The following ERC1 variants were observed in gnomAD, a reference collection of about 807,000 sequenced individuals.
ERC1 encodes the protein RAB6 interacting protein 2.
A neutral mutation model predicts 132.0 loss-of-function variants in ERC1; 56 were observed. The observed-to-expected ratio is 0.42, with a 90% CI of 0.34 to 0.53. The LOEUF is 0.53. Among genes scored for constraint, ERC1 ranks in the 20% least tolerant of loss-of-function variants. ERC1 has a pLI of 0.03. For missense variants in ERC1, 1,202 were observed against 1,349.9 expected (o/e 0.89, Z 1.72); for synonymous variants, 478 against 476.1 (o/e 1.00, Z -0.05).
chr12:1,142,827 T>C (rs951373576), intron 8 of ERC1, among the ~76,000 whole-genome samples: 5 of 152,242 alleles, frequency 3.3e-5, no homozygotes, highest in African/African-American at 4.8e-5. Context: ...TTTTTAAAAG[T>C]TGATTTGTAG....
At chr12:1,345,474 C>A (rs941823544) in intron 15 of ERC1, among the ~76,000 whole-genome samples, 1 of 152,146 alleles carries the variant, frequency 6.6e-6, no homozygotes, top group East Asian at 1.9e-4. Context: ...TGAGCCACCA[C>A]GCCTGGCCAG....
At chr12:1,447,246 A>G (rs933681425) in intron 18 of ERC1, among the ~76,000 whole-genome samples, 1 of 151,112 alleles carries the variant, frequency 6.6e-6, no homozygotes, top group East Asian at 2.0e-4. Flanking sequence ...TACTGGGCAC[A>G]GTGGCTCCCA....
At chr12:1,349,754 TAAAAG>T (rs1388364918) in intron 15 of ERC1, among the ~76,000 whole-genome samples, 1 of 151,938 alleles carries the variant, frequency 6.6e-6, no homozygotes, top group Non-Finnish European at 1.5e-5. Context: ...GTTGAGAACA[TAAAAG>T]GATAGCTTGA....
rs544186949 is a variant in ERC1 at position 1,100,190 on chromosome 12, A to G, written c.1087-4560A>G. Among the ~76,000 whole-genome samples the G allele has an allele frequency of 2.6e-5, 4 of 152,148 alleles. No homozygotes were observed. The South Asian group carries it at 6.2e-4, about 24-fold the overall frequency. On this transcript the variant is annotated intron_variant, in intron 3 of 18. Transcript: ENST00000360905. ...ACAGACTTCAACAGTTAAGGGAAGG[A>G]GAGAGCCTGTCAAAGGGAGCAGTGA... is the stretch of plus-strand genomic sequence containing the variant.
intron 16 of ERC1, among the ~76,000 whole-genome samples, chr12:1,372,616 T>C (rs1407925403): frequency 6.6e-6 from 1 of 152,210 alleles, no homozygotes; most frequent in African/African-American, 2.4e-5. Flanking sequence ...GAGAAAAACA[T>C]TTCCCTTGGA....
intron 15 of ERC1, among the ~76,000 whole-genome samples, chr12:1,306,961 C>T (rs1489335856): frequency 2.6e-5 from 4 of 152,116 alleles, no homozygotes; most frequent in Admixed American, 6.6e-5. Context: ...ATACTGTGGG[C>T]ACATGCCCTC....
At chr12:1,256,419 A>T (rs1388351529) in intron 13 of ERC1, among the ~76,000 whole-genome samples, 2 of 64,246 alleles carry the variant, frequency 3.1e-5, no homozygotes, top group African/African-American at 6.5e-5. Context: ...TTCTCAGACT[A>T]AAAAAAAAAA....
chr12:1,417,952 C>T (rs1405704164), intron 17 of ERC1, among the ~76,000 whole-genome samples: 1 of 152,080 alleles, frequency 6.6e-6, no homozygotes, highest in Non-Finnish European at 1.5e-5. Flanking sequence ...TTCATTGAAA[C>T]CAATATAACA....
intron 3 of ERC1, among the ~76,000 whole-genome samples, chr12:1,096,165 T>C (rs370947045): frequency 6.1e-4 from 93 of 152,266 alleles, no homozygotes; most frequent in African/African-American, 2.0e-3. Context: ...TGAGCTCAAG[T>C]GATCTGCCTG....
chr12:1,431,121 C>T (rs1592009974), intron 17 of ERC1, among the ~76,000 whole-genome samples: 1 of 152,112 alleles, frequency 6.6e-6, no homozygotes, highest in African/African-American at 2.4e-5. Context: ...ATAACCGCTC[C>T]GGGGAGAACC....
intron 2 of ERC1, among the ~76,000 whole-genome samples, chr12:1,052,969 TC>T (rs1356920774): frequency 6.7e-6 from 1 of 149,766 alleles, no homozygotes; most frequent in African/African-American, 2.5e-5. Context: ...AAACTATGTC[TC>T]GAAAAAAAAA....
intron 15 of ERC1, among the ~76,000 whole-genome samples, chr12:1,355,644 C>T (rs1307181159): frequency 6.6e-6 from 1 of 152,192 alleles, no homozygotes; most frequent in Non-Finnish European, 1.5e-5. Flanking sequence ...AAAGTTTGGC[C>T]TGTGGAGCAG....
At chr12:1,367,895 G>A (rs1236876677) in intron 15 of ERC1, among the ~76,000 whole-genome samples, 2 of 150,452 alleles carry the variant, frequency 1.3e-5, no homozygotes, top group Admixed American at 6.6e-5. Flanking sequence ...TGTGCATGTT[G>A]GTCATGTGGG....
At chr12:1,484,727 G>A (rs1322669219) in intron 18 of ERC1, among the ~76,000 whole-genome samples, 6 of 151,754 alleles carry the variant, frequency 4.0e-5, no homozygotes, top group African/African-American at 1.2e-4. Context: ...ACAGGTGCAC[G>A]CCACCATGCC....
At chr12:1,245,577 C>A (rs558163403) in intron 13 of ERC1, among the ~76,000 whole-genome samples, 1 of 152,224 alleles carries the variant, frequency 6.6e-6, no homozygotes, top group South Asian at 2.1e-4. Context: ...AAAAGTAATT[C>A]CTTTTGGCAG....
intron 15 of ERC1, among the ~76,000 whole-genome samples, chr12:1,306,604 T>C (rs888987314): frequency 1.3e-5 from 2 of 152,226 alleles, no homozygotes; most frequent in Non-Finnish European, 2.9e-5. Flanking sequence ...GAAATTGTTA[T>C]GTTATTAAGT....
intron 2 of ERC1, among the ~76,000 whole-genome samples, chr12:1,030,007 C>T (rs543237140): frequency 6.6e-5 from 10 of 152,204 alleles, no homozygotes; most frequent in Admixed American, 5.9e-4. Context: ...CTTGGCCTCC[C>T]GAAGTGCTGG....
At chr12:1,103,017 C>G (rs1944851610) in intron 3 of ERC1, among the ~76,000 whole-genome samples, 1 of 152,036 alleles carries the variant, frequency 6.6e-6, no homozygotes, top group African/African-American at 2.4e-5. Context: ...TTTCTTTTTC[C>G]TCTTTTCTTT....
intron 4 of ERC1, among the ~76,000 whole-genome samples, chr12:1,108,768 G>A (rs1446921033): frequency 6.6e-6 from 1 of 152,108 alleles, no homozygotes; most frequent in Non-Finnish European, 1.5e-5. Context: ...AGTTTAATTT[G>A]AATGAATTTA....
Sources: allele counts gnomAD v4.1 joint callset (sites outside exome capture counted in the v4.1 genomes callset), GRCh38; gene constraint gnomAD v4.1.1; transcripts MANE v1.5; gene names NCBI Gene and HGNC (gene_info 2026-07-23, HGNC 2026-07-21).